Variants in ADK observed in about 807,000 individuals in gnomAD.
The protein encoded by ADK is N6,N6-dimethyladenosine kinase.
A neutral mutation model predicts 44.7 loss-of-function variants in ADK; 24 were observed. The ratio of observed to expected loss-of-function variants is 0.54; its 90% CI spans 0.39 to 0.76. ADK has a LOEUF of 0.76. Among genes scored for constraint, ADK ranks in the 30% least tolerant of loss-of-function variants. The pLI is 0.00. For synonymous variants in ADK, 128 were observed against 142.6 expected (o/e 0.90, Z 0.73); for missense variants, 321 against 425.1 (o/e 0.76, Z 2.15).
intron 3 of ADK, among the ~76,000 whole-genome samples, chr10:74,280,116 G>A (rs968808864): frequency 2.0e-5 from 3 of 152,056 alleles, no homozygotes; most frequent in Non-Finnish European, 4.4e-5. Context: ...GTGGGATTGT[G>A]TCTTTTTAGT....
intron 6 of ADK, among the ~76,000 whole-genome samples, chr10:74,432,670 A>T (rs1845043079): frequency 6.6e-6 from 1 of 152,140 alleles, no homozygotes. Context: ...TTATAGGACT[A>T]TTCTATGAGT....
At chr10:74,699,182 C>T (rs1278066819) in intron 10 of ADK, among the ~76,000 whole-genome samples, 12 of 148,430 alleles carry the variant, frequency 8.1e-5, no homozygotes, top group Admixed American at 2.0e-4. Context: ...ACCTGCAAGC[C>T]ACATTTATCT....
intron 10 of ADK, among the ~76,000 whole-genome samples, chr10:74,690,604 CT>C (rs914027921): frequency 1.7e-4 from 26 of 152,342 alleles, no homozygotes; most frequent in African/African-American, 6.0e-4. Context: ...GCAAAATAAG[CT>C]TTGTCCTGTC....
intron 4 of ADK, among the ~76,000 whole-genome samples, chr10:74,324,426 G>T (rs565499703): frequency 6.6e-6 from 1 of 152,150 alleles, no homozygotes. Flanking sequence ...CCAAGCCTCT[G>T]ATAAACACCA....
chr10:74,238,855 G>GTTT (rs1845080402), intron 3 of ADK, among the ~76,000 whole-genome samples: 1 of 86,520 alleles, frequency 1.2e-5, no homozygotes, highest in Admixed American at 1.3e-4. Flanking sequence ...TTTAGCTAGT[G>GTTT]CTTTTTTTTT....
intron 8 of ADK, 52 bp from the exon 9 acceptor site, chr10:74,600,327 T>C (rs1852069800): frequency 2.6e-6 from 3 of 1,156,992 alleles, no homozygotes; most frequent in Non-Finnish European, 3.8e-6. Flanking sequence ...ACTAATAAAG[T>C]TTTGTTTTAT....
chr10:74,653,344 C>T (rs1257846385), intron 9 of ADK, among the ~76,000 whole-genome samples: 1 of 151,848 alleles, frequency 6.6e-6, no homozygotes, highest in Non-Finnish European at 1.5e-5. Context: ...CCCAGCTACA[C>T]GGGAGGGTAA....
At chr10:74,656,049 G>T in intron 9 of ADK, 1 of 490,616 alleles carries the variant, frequency 2.0e-6, no homozygotes, top group East Asian at 4.2e-5. Flanking sequence ...GAGTAGGACT[G>T]GGGAGATGAT....
chr10:74,608,733 G>T (rs1852431909), intron 9 of ADK, among the ~76,000 whole-genome samples: 1 of 152,118 alleles, frequency 6.6e-6, no homozygotes, highest in African/African-American at 2.4e-5. Flanking sequence ...CAATCTGTCT[G>T]TTAGGAGAGC....
chr10:74,694,418 AT>A (rs764316143), intron 10 of ADK, among the ~76,000 whole-genome samples: 2 of 151,748 alleles, frequency 1.3e-5, no homozygotes, highest in Admixed American at 6.6e-5. Flanking sequence ...AAACTTATTT[AT>A]TTAATTTCCT....
At chr10:74,224,395 C>T in intron 2 of ADK, 143 bp from the exon 3 acceptor site, 1 of 693,250 alleles carries the variant, frequency 1.4e-6, no homozygotes, top group East Asian at 2.8e-5. Flanking sequence ...CAGCAAAAAA[C>T]CGTCTACTTG....
chr10:74,227,123 A>G (rs866665840), intron 3 of ADK, among the ~76,000 whole-genome samples: 80 of 152,136 alleles, frequency 5.3e-4, no homozygotes, highest in Admixed American at 1.1e-3. Context: ...GTGTATAACA[A>G]CTCACCTGCT....
chr10:74,414,246 A>G (rs907009811), intron 6 of ADK, among the ~76,000 whole-genome samples: 2 of 152,210 alleles, frequency 1.3e-5, no homozygotes, highest in African/African-American at 4.8e-5. Context: ...GTGAAGTGCA[A>G]TAAAATAAGG....
intron 1 of ADK, among the ~76,000 whole-genome samples, chr10:74,175,168 G>A (rs1243655819): frequency 6.6e-6 from 1 of 152,202 alleles, no homozygotes; most frequent in African/African-American, 2.4e-5. Flanking sequence ...ATCGCTTGAG[G>A]CCAGGAGTTT....
intron 7 of ADK, among the ~76,000 whole-genome samples, chr10:74,575,902 C>T (rs1347038872): frequency 1.3e-5 from 2 of 151,812 alleles, no homozygotes; most frequent in East Asian, 3.9e-4. Context: ...ACAGGCCTGA[C>T]CTAGTTTTGA....
intron 7 of ADK, among the ~76,000 whole-genome samples, chr10:74,543,288 CCTGCAATCCTT>C (rs1321815126): frequency 6.6e-6 from 1 of 152,010 alleles, no homozygotes; most frequent in Non-Finnish European, 1.5e-5. Context: ...AAGCAATCCT[CCTGCAATCCTT>C]CTGCCTTGAC....
At chr10:74,174,550 A>G (rs1842264564) in intron 1 of ADK, 1 of 152,192 alleles carries the variant, frequency 6.6e-6, no homozygotes, top group African/African-American at 2.4e-5. Context: ...ATTTGTATGC[A>G]TGTTAAAGTT....
chr10:74,277,578 T>G (rs11000952), intron 3 of ADK, among the ~76,000 whole-genome samples: 19,466 of 151,972 alleles, frequency 0.13, 1,301 homozygotes, highest in Middle Eastern at 0.17. Flanking sequence ...TTTTTGTATT[T>G]TTAGTAGTGA....
intron 6 of ADK, among the ~76,000 whole-genome samples, chr10:74,417,908 CAT>C (rs766429720): frequency 2.0e-5 from 3 of 152,096 alleles, no homozygotes; most frequent in East Asian, 1.9e-4. Flanking sequence ...TATATCAAAA[CAT>C]ATTTTGAATT....
Sources: allele counts gnomAD v4.1 joint callset (sites outside exome capture counted in the v4.1 genomes callset), GRCh38; gene constraint gnomAD v4.1.1; transcripts MANE v1.5; gene names NCBI Gene and HGNC (gene_info 2026-07-23, HGNC 2026-07-21).